SERPINB8: variants seen among roughly 807,000 people sequenced by gnomAD.
SERPINB8 encodes the protein serpin B8.
SERPINB8 carries 25 observed loss-of-function variants against 35.3 expected under a neutral mutation model. The ratio of observed to expected loss-of-function variants is 0.71; its 90% CI spans 0.52 to 0.99. The LOEUF (loss-of-function observed/expected upper bound fraction) is 0.99, where lower values mean the gene tolerates loss of function less well. SERPINB8 is among the 50% of genes least tolerant of loss of function. The pLI, the probability that SERPINB8 is intolerant of heterozygous loss-of-function variation, is 0.00. For synonymous variants in SERPINB8, 186 were observed against 160.8 expected, an observed-to-expected ratio of 1.16 and a Z score of -1.19; for missense variants, 484 against 446.5, an observed-to-expected ratio of 1.08 and a Z score of -0.76.
At chr18:63,981,338 A>C (rs1177407365) in intron 3 of SERPINB8, among the ~76,000 whole-genome samples, 2 of 152,240 alleles carry the variant, frequency 1.3e-5, no homozygotes, top group Non-Finnish European at 1.5e-5. Flanking sequence ...ACAATACTGT[A>C]GTTGGTGCTG....
chr18:64,007,812 C>A (rs1310133168), downstream of SERPINB8, among the ~76,000 whole-genome samples: 2 of 152,108 alleles, frequency 1.3e-5, no homozygotes, highest in African/African-American at 4.8e-5. Flanking sequence ...TCACCTCCCA[C>A]CAGGCCCCAC....
downstream of SERPINB8, among the ~76,000 whole-genome samples, chr18:63,991,414 A>G (rs1191623433): frequency 6.6e-6 from 1 of 151,428 alleles, no homozygotes; most frequent in Non-Finnish European, 1.5e-5. Flanking sequence ...AGTTTTCAGT[A>G]TACAAGTCTG....
At chr18:63,970,873 T>C (rs1256858115) in intron 1 of SERPINB8, among the ~76,000 whole-genome samples, 1 of 152,154 alleles carries the variant, frequency 6.6e-6, no homozygotes, top group East Asian at 1.9e-4. Flanking sequence ...TCAAATGGGA[T>C]GGGGTTGGGG....
At chr18:63,982,889 G>A (rs1280780814) in intron 4 of SERPINB8, among the ~76,000 whole-genome samples, 1 of 151,896 alleles carries the variant, frequency 6.6e-6, no homozygotes, top group Admixed American at 6.6e-5. Flanking sequence ...ACTCAATTTG[G>A]GCCCCTCTAT....
chr18:63,983,553 G>A, intron 4 of SERPINB8, 26 bp from the exon 5 acceptor site: 2 of 1,607,812 alleles, frequency 1.2e-6, no homozygotes, highest in Non-Finnish European at 1.7e-6. Flanking sequence ...CCCACAAATT[G>A]CAATAAACTC....
intron 1 of SERPINB8, 37 bp downstream of exon 1, chr18:63,970,207 C>A: frequency 3.9e-6 from 1 of 257,962 alleles, no homozygotes. Flanking sequence ...GGGGCAGGCA[C>A]GGAGGTGCCC....
intron 1 of SERPINB8, among the ~76,000 whole-genome samples, chr18:63,997,727 G>A (rs1270458944): frequency 6.6e-6 from 1 of 152,172 alleles, no homozygotes; most frequent in Non-Finnish European, 1.5e-5. Flanking sequence ...ATTTGATTGA[G>A]CTACTGGCAA....
chr18:63,989,942 CAAAAAAAAAAAAAAA>C (rs1161052778), downstream of SERPINB8, among the ~76,000 whole-genome samples: 1 of 27,882 alleles, frequency 3.6e-5, no homozygotes, highest in Admixed American at 4.4e-4. Flanking sequence ...GACTCTGTCT[CAAAAAAAAAAAAAAA>C]AAAAAAAAAA....
At chr18:63,998,313 T>C (rs2050859449) in intron 1 of SERPINB8, among the ~76,000 whole-genome samples, 1 of 152,230 alleles carries the variant, frequency 6.6e-6, no homozygotes, top group Non-Finnish European at 1.5e-5. Context: ...TATTTGTTTA[T>C]TTCTCTGGCT....
chr18:63,978,560 G>A lies in SERPINB8; in HGVS notation c.168+84G>A. On this transcript the variant is annotated intron_variant, in intron 2 of 6. Coordinates refer to ENST00000397985, the MANE Select transcript of SERPINB8 (RefSeq NM_002640.4). ...GCTGTCTTTCTGTACTTTTGCTCTA[G>A]CTGAGGCCTGTGGAGCTGGAGGTAG... 2.6e-6 allele frequency: 4 copies of A among 1,509,728 alleles called. No individual in the cohort carries two copies. The East Asian group carries it at 9.1e-5, about 34-fold the overall frequency. 93.5% of individuals were successfully genotyped at this position (1,509,728 alleles called of 1,614,324 possible). A position where few individuals can be genotyped will look rare whatever the true frequency, so the allele number is the denominator to read the frequency against.
intron 1 of SERPINB8, among the ~76,000 whole-genome samples, chr18:63,997,785 C>T (rs372935769): frequency 6.6e-5 from 10 of 152,280 alleles, no homozygotes; most frequent in South Asian, 2.1e-4. Context: ...ATGAGACATT[C>T]GGATAAAATT....
chr18:64,007,214 G>A (rs2050904068), downstream of SERPINB8, among the ~76,000 whole-genome samples: 1 of 151,902 alleles, frequency 6.6e-6, no homozygotes, highest in Admixed American at 6.6e-5. Flanking sequence ...CAATATATTT[G>A]AAAACCTAAG....
At chr18:63,980,517 TG>T (rs142231510) in intron 3 of SERPINB8, among the ~76,000 whole-genome samples, 8,855 of 152,290 alleles carry the variant, frequency 0.058, 373 homozygotes, top group Non-Finnish European at 0.09. Context: ...ATTAGTGAAC[TG>T]ATTGCAGCAA....
chr18:63,978,602 G>A, intron 2 of SERPINB8, 126 bp downstream of exon 2: 2 of 1,072,300 alleles, frequency 1.9e-6, no homozygotes, highest in Non-Finnish European at 2.7e-6. Flanking sequence ...GAGCAGCTCG[G>A]CAGTGGAGAA....
intron 1 of SERPINB8, among the ~76,000 whole-genome samples, chr18:64,004,438 C>T (rs886278395): frequency 6.6e-6 from 1 of 152,128 alleles, no homozygotes; most frequent in Admixed American, 6.5e-5. Flanking sequence ...TAAATAATTA[C>T]AATAACTATA....
chr18:63,986,684 C>T (rs1239546184), intron 6 of SERPINB8, 190 bp from the exon 7 acceptor site: 1 of 1,399,088 alleles, frequency 7.1e-7, no homozygotes, highest in African/African-American at 1.4e-5. Flanking sequence ...CACTTGTCTC[C>T]ATAAAACTGT....
rs2034783904 is a variant in SERPINB8, at chr18:63,988,696, A to G, written c.*1418A>G. 6.6e-6 allele frequency: 1 copy of G among 152,206 alleles called. No individual in the cohort carries two copies. Among genetic ancestry groups the G allele is most frequent in the South Asian group, 2.1e-4 (1 of 4,830 alleles). 9.4% of individuals were successfully genotyped at this position (152,206 alleles called of 1,614,324 possible). Reference sequence around the variant, plus strand: ...TTTTTGACTGACAGTTAACAGTTACATGAACCATTCATATTACAGCTCTTA... The same window carrying G: ...TTTTTGACTGACAGTTAACAGTTACGTGAACCATTCATATTACAGCTCTTA... On this transcript the variant is annotated 3_prime_UTR_variant, in exon 7 of 7. Transcript: ENST00000397985.
chr18:63,985,453 TAAGAA>T (rs1421884166), intron 6 of SERPINB8, among the ~76,000 whole-genome samples: 1 of 152,212 alleles, frequency 6.6e-6, no homozygotes, highest in Non-Finnish European at 1.5e-5. Flanking sequence ...TTGATGAAGC[TAAGAA>T]GAGAGAGTTC....
At chr18:64,003,858 T>C (rs1002207042) in intron 1 of SERPINB8, among the ~76,000 whole-genome samples, 3 of 152,154 alleles carry the variant, frequency 2.0e-5, no homozygotes, top group Non-Finnish European at 4.4e-5. Flanking sequence ...TTACTTGGTG[T>C]ACCATTGCAA....
Sources: allele counts gnomAD v4.1 joint callset (sites outside exome capture counted in the v4.1 genomes callset), GRCh38; gene constraint gnomAD v4.1.1; transcripts MANE v1.5; gene names NCBI Gene and HGNC (gene_info 2026-07-23, HGNC 2026-07-21).